The following SLC34A1 variants were observed in gnomAD, a reference collection of about 807,000 sequenced individuals.
SLC34A1 encodes the protein solute carrier family 34 member 1, also known as sodium-dependent phosphate transport protein 2A.
SLC34A1 carries 57 observed loss-of-function variants against 51.4 expected under a neutral mutation model. That is an observed-to-expected ratio of 1.11 (90% CI 0.90 to 1.38). The LOEUF is 1.38. Ranked by LOEUF, SLC34A1 falls within the 40% of genes most tolerant of loss-of-function variation. SLC34A1 has a pLI of 0.00. For synonymous variants in SLC34A1, 368 were observed against 358.0 expected, an observed-to-expected ratio of 1.03 and a Z score of -0.32; for missense variants, 796 against 835.6, an observed-to-expected ratio of 0.95 and a Z score of 0.58.
intron 9 of SLC34A1, 48 bp from the exon 10 acceptor site, chr5:177,393,980 C>G: frequency 6.2e-7 from 1 of 1,612,658 alleles, no homozygotes; most frequent in Non-Finnish European, 8.5e-7. Context: ...AGGTGGGGAC[C>G]TGGGAGCCAG....
At chr5:177,390,372 T>C (rs1179774703) in intron 8 of SLC34A1, 1 of 985,344 alleles carries the variant, frequency 1.0e-6, no homozygotes, top group Non-Finnish European at 1.2e-6. Flanking sequence ...TAAACAAGCA[T>C]CTTTTGAGGA....
At chr5:177,397,545 G>GA in intron 12 of SLC34A1, 1 of 601,542 alleles carries the variant, frequency 1.7e-6, no homozygotes, top group South Asian at 2.0e-5. Flanking sequence ...GGTCAGTGGG[G>GA]AAAATGTGGG....
chr5:177,396,082 G>A lies in SLC34A1; in HGVS notation c.1175-651G>A, dbSNP rs993975004. ...GGTGTGAGCCACCTTGCCCAGCCTT[G>A]GTTTTCATTTTAAACTTCATGCACT... On this transcript the variant is annotated intron_variant, in intron 10 of 12. Transcript: ENST00000324417. The surrounding 1 kb of genome is among the most constrained non-coding windows in gnomAD (Gnocchi z 4.0). 3.9e-5 allele frequency among the ~76,000 whole-genome samples: 6 copies of A among 152,196 alleles called. No homozygotes were observed. The highest frequency in any genetic ancestry group is 9.6e-5 in the African/African-American group (4 of 41,526).
chr5:177,397,951 C>G lies in SLC34A1; in HGVS notation c.1585C>G (p.Leu529Val). The change falls in exon 13 of 13, where the codon CTG (leucine) becomes GTG (valine). Residue 529 changes from leucine (L) to valine (V), a missense_variant. Physicochemically the swap from Leu to Val is conservative, Grantham distance 32. Coordinates refer to ENST00000324417, the MANE Select transcript of SLC34A1 (RefSeq NM_003052.5). ...LLVCFLLLPS[L>V]VFGISMAGWQ... is the part of the protein sequence containing the mutation. ...TGTCTGCTTCCTGCTGCTGCCCTCA[C>G]TGGTGTTTGGCATCTCCATGGCAGG... The G allele has an allele frequency of 6.2e-7, 1 of 1,614,142 alleles. No individual in the cohort carries two copies. Among genetic ancestry groups the G allele is most frequent in the Non-Finnish European group, 8.5e-7 (1 of 1,180,038 alleles).
Position 177,398,063 on chromosome 5 carries a change from C to T in SLC34A1, c.1697C>T (p.Pro566Leu). The T allele has an allele frequency of 1.2e-6, 2 of 1,613,940 alleles. No homozygotes were observed. Among genetic ancestry groups the T allele is most frequent in the South Asian group, 1.1e-5 (1 of 91,084 alleles). The change falls in exon 13 of 13, where the codon CCC becomes CTC. Residue 566 changes from proline to leucine, a missense_variant. Transcript: ENST00000324417. The surrounding 1 kb of genome is among the most constrained non-coding windows in gnomAD (Gnocchi z 4.7). The stretch of plus-strand genomic sequence containing the variant: ...ATCAATGTCCTGCAGAGTCGGAGTC[C>T]CGGGCACCTGCCCAAGTGGTTACAG... Reference protein sequence around the residue: ...VLINVLQSRSPGHLPKWLQTW... With the variant: ...VLINVLQSRSLGHLPKWLQTW...
chr5:177,384,833 G>C, intron 1 of SLC34A1, among the ~76,000 whole-genome samples: 1 of 149,816 alleles, frequency 6.7e-6, no homozygotes, highest in Non-Finnish European at 1.5e-5. Flanking sequence ...CTGCACTCCA[G>C]CCTGGGCGGT....
intron 8 of SLC34A1, among the ~76,000 whole-genome samples, chr5:177,390,873 C>G (rs921211864): frequency 6.6e-6 from 1 of 152,140 alleles, no homozygotes; most frequent in Non-Finnish European, 1.5e-5. Flanking sequence ...AATCCCAACT[C>G]CCTCTTCCAA....
rs1561626966 is a variant in SLC34A1, at chr5:177,386,440, A to G, written c.406A>G (p.Ile136Val). 6.2e-7 allele frequency: 1 copy of G among 1,614,202 alleles called. No individual in the cohort carries two copies. The highest frequency in any genetic ancestry group is 1.7e-5 in the Admixed American group (1 of 60,030). ...CTCCCCAGGGAAGGTGGCTGGTGAC[A>G]TCTTCAAGGATAACGCCATCCTGTC... ...QLAGGKVAGD[I>V]FKDNAILSNP... Residue 136 changes from isoleucine to valine, a missense_variant, in exon 5 of 13, where the codon ATC becomes GTC. Ile to Val is a conservative substitution (Grantham distance 29). Coordinates refer to ENST00000324417, the MANE Select transcript of SLC34A1 (RefSeq NM_003052.5). The surrounding 1 kb of genome is among the most constrained non-coding windows in gnomAD (Gnocchi z 4.8).
Position 177,387,655 on chromosome 5 carries a change from G to A in SLC34A1, c.533-107G>A, listed in dbSNP as rs33921462. On this transcript the variant is annotated intron_variant, in intron 5 of 12. Transcript: ENST00000324417. ...TTAGGCAGACTCAGCAGCATGGCAG[G>A]AGCGGCCACTGGGGACTGGGACGTG... The A allele has an allele frequency of 0.26, 231,087 of 905,536 alleles. 31,505 individuals are homozygous for A. The highest frequency in any genetic ancestry group is 0.3 in the Middle Eastern group (1,337 of 4,514). The allele number at this position is 905,536 out of a possible 1,614,324, so 56.1% of individuals were successfully genotyped here. A position where few individuals can be genotyped will look rare whatever the true frequency, so the allele number is the denominator to read the frequency against.
chr5:177,397,466 C>G, intron 12 of SLC34A1: 1 of 520,786 alleles, frequency 1.9e-6, no homozygotes. Context: ...GAATGAGGGT[C>G]CAGAAACTGA....
chr5:177,396,431 T>A lies in SLC34A1; in HGVS notation c.1175-302T>A, dbSNP rs1561634447. 6.6e-6 allele frequency among the ~76,000 whole-genome samples: 1 copy of A among 150,596 alleles called. No individual in the cohort carries two copies. The highest frequency in any genetic ancestry group is 1.5e-5 in the Non-Finnish European group (1 of 67,510). ...GTCTCTCCCAGTGCCCCCGCGGAGA[T>A]CCGCTCTCCCAGTGCCCCCGCGGAG... On this transcript the variant is annotated intron_variant, in intron 10 of 12. Transcript: ENST00000324417. This position sits in a 1 kb window ranked among gnomAD's most constrained non-coding sequence, Gnocchi z 4.0.
In SLC34A1 at chr5:177,388,405, C is replaced by G; in HGVS notation, c.936+33C>G. The G allele has an allele frequency of 2.0e-6, 3 of 1,521,530 alleles. No homozygotes were observed. Among genetic ancestry groups the G allele is most frequent in the Non-Finnish European group, 2.7e-6 (3 of 1,095,866 alleles). The allele number at this position is 1,521,530 out of a possible 1,614,324, so 94.3% of individuals were successfully genotyped here. On this transcript the variant is annotated intron_variant, in intron 8 of 12. Transcript: ENST00000324417. This position sits in a 1 kb window ranked among gnomAD's most constrained non-coding sequence, Gnocchi z 4.3. ...CCAGGCCTAACCCCAGGTAAGAGGA[C>G]TCCCTCTTCAGACTCTTGGTTTCAT...
chr5:177,393,726 CT>C lies in SLC34A1; in HGVS notation c.970del (p.Ser324ProfsTer46). 1 of 1,614,230 alleles carries C rather than the reference CT, an allele frequency of 6.2e-7. No homozygotes were observed. The highest frequency in any genetic ancestry group is 2.2e-5 in the East Asian group (1 of 44,884). ...CCTCCATGTCCAGAGCAGAGGCCAA[CT>C]CCAGCCAGACCCTTGGAAATGCCAC... ...PTSMSRAEAN[S>X]SQTLGNATME... is the part of the protein sequence containing the mutation. On this transcript the variant is annotated frameshift_variant, in exon 9 of 13. Coordinates refer to ENST00000324417, the MANE Select transcript of SLC34A1 (RefSeq NM_003052.5). LOFTEE classifies it high-confidence loss of function.
Position 177,388,001 on chromosome 5 carries a change from G to A in SLC34A1, c.652G>A (p.Ala218Thr), listed in dbSNP as rs569024586. 201 of 1,612,754 alleles carry A rather than the reference G, an allele frequency of 1.2e-4. 2 individuals carry two copies. In the South Asian group the frequency reaches 1.6e-3, roughly 13 times the overall value. Residue 218 changes from alanine to threonine, a missense_variant, in exon 7 of 13, where the codon GCG becomes ACG. Transcript: ENST00000324417. The surrounding 1 kb of genome is among the most constrained non-coding windows in gnomAD (Gnocchi z 4.3). ...GDRTDFRRAF[A>T]GATVHDCFNW... is the part of the protein sequence containing the mutation. Reference sequence around the variant, plus strand: ...TGTGGCCTCCCTGCCCAGGGCCTTCGCGGGGGCCACGGTGCATGACTGCTT... The same window carrying A: ...TGTGGCCTCCCTGCCCAGGGCCTTCACGGGGGCCACGGTGCATGACTGCTT...
chr5:177,391,822 T>G (rs2127351558), intron 8 of SLC34A1, among the ~76,000 whole-genome samples: 1 of 152,322 alleles, frequency 6.6e-6, no homozygotes, highest in Admixed American at 6.5e-5. Context: ...CAGCAGCTCC[T>G]CTATTATCCT....
Position 177,397,105 on chromosome 5 carries a change from A to G in SLC34A1, c.1416+31A>G, listed in dbSNP as rs369644754. 8.9e-5 allele frequency: 143 copies of G among 1,608,304 alleles called. 2 individuals carry two copies. In the East Asian group the frequency reaches 3.1e-3, roughly 35 times the overall value. ...CTGGGAGTGTAGCCTCGCCTGGGGC[A>G]GGATGGAGCTGCCTCTGGGGTGTGG... On this transcript the variant is annotated intron_variant, in intron 12 of 12. Transcript: ENST00000324417.
Position 177,397,096 on chromosome 5 carries a change from G to A in SLC34A1, c.1416+22G>A, listed in dbSNP as rs553711080. On this transcript the variant is annotated intron_variant, in intron 12 of 12. Coordinates refer to ENST00000324417, the MANE Select transcript of SLC34A1 (RefSeq NM_003052.5). Reference sequence around the variant, plus strand: ...CCAGGTGCGCTGGGAGTGTAGCCTCGCCTGGGGCAGGATGGAGCTGCCTCT... The same window carrying A: ...CCAGGTGCGCTGGGAGTGTAGCCTCACCTGGGGCAGGATGGAGCTGCCTCT... 121 of 1,610,028 alleles carry A rather than the reference G, an allele frequency of 7.5e-5. 1 individual carries two copies. In the South Asian group the frequency reaches 1.2e-3, roughly 16 times the overall value.
chr5:177,392,146 G>A (rs1287237718), intron 8 of SLC34A1, among the ~76,000 whole-genome samples: 1 of 152,158 alleles, frequency 6.6e-6, no homozygotes, highest in African/African-American at 2.4e-5. Flanking sequence ...AATAAACCCG[G>A]ATGTTACACC....
Position 177,394,157 on chromosome 5 carries a change from GC to G in SLC34A1, c.1138del (p.Gln380LysfsTer33), listed in dbSNP as rs759137620. ...LVKMLNSLLK[G>X]QVAKVIQKVI... ...AAGATGCTCAACTCCCTGCTCAAGG[GC>G]CAAGTGGCCAAGGTCATCCAGAAGG... is the stretch of plus-strand genomic sequence containing the variant. On this transcript the variant is annotated frameshift_variant, in exon 10 of 13. Transcript: ENST00000324417. LOFTEE classifies it high-confidence loss of function. The G allele has an allele frequency of 1.2e-5, 19 of 1,613,926 alleles. No homozygotes were observed. The highest frequency in any genetic ancestry group is 5.0e-5 in the Admixed American group (3 of 59,994).
Sources: gnomAD v4.1 joint callset for allele counts (sites outside exome capture counted in the v4.1 genomes callset) on GRCh38, gnomAD v4.1.1 for gene constraint, Gnocchi (gnomAD v3.1) non-coding constraint, MANE v1.5 for transcripts, NCBI Gene and HGNC (gene_info 2026-07-23, HGNC 2026-07-21) for gene names.